The following PYY variants were observed in gnomAD, a reference collection of about 807,000 sequenced individuals.
PYY encodes peptide tyrosine tyrosine.
Under a neutral mutation model 10.3 loss-of-function variants are expected in PYY, and 12 were observed. That is an observed-to-expected ratio of 1.17 (90% confidence interval 0.75 to 1.89). The LOEUF (loss-of-function observed/expected upper bound fraction) is 1.89. PYY is among the 40% of genes most tolerant of loss of function. PYY has a pLI of 0.00. For synonymous variants in PYY, 66 were observed against 62.0 expected (o/e 1.06, Z -0.30); for missense variants, 141 against 134.0 (o/e 1.05, Z -0.26).
chr17:43,958,146 A>AAAAAAAAAAAAAAAAAAAC (rs2048687887), upstream of PYY: 1 of 149,712 alleles, frequency 6.7e-6, no homozygotes, highest in Admixed American at 6.6e-5. Context: ...AAAAAAAAAA[A>AAAAAAAAAAAAAAAAAAAC]AAAAAAAAAA....
At chr17:43,992,828 A>C (rs370308105) in intron 1 of PYY, among the ~76,000 whole-genome samples, 1 of 152,240 alleles carries the variant, frequency 6.6e-6, no homozygotes, top group African/African-American at 2.4e-5. Context: ...CCACAGAAGC[A>C]GATTGGAGTG....
chr17:43,952,844 C>A lies in PYY; in HGVS notation c.*112G>T, dbSNP rs2048640286. On this transcript the variant is annotated 3_prime_UTR_variant, in exon 4 of 4. Transcript: ENST00000692052. The stretch of plus-strand genomic sequence containing the variant: ...ACGCGGGCGGAGGGCCGCACCCGAA[C>A]CCTGCCCAGACGCCGCCGTCGGGAG... 5.4e-5 allele frequency: 69 copies of A among 1,279,590 alleles called. 1 individual carries two copies. In the South Asian group the frequency reaches 1.1e-3, roughly 20 times the overall value. 79.3% of individuals were successfully genotyped at this position (1,279,590 alleles called of 1,614,324 possible).
intron 1 of PYY, among the ~76,000 whole-genome samples, chr17:43,971,352 G>A (rs145902483): frequency 6.6e-5 from 10 of 152,172 alleles, no homozygotes; most frequent in African/African-American, 1.9e-4. Flanking sequence ...GGCAGATCAC[G>A]TGAGATCCTG....
intron 1 of PYY, among the ~76,000 whole-genome samples, chr17:43,999,645 G>A (rs2049012620): frequency 6.6e-6 from 1 of 151,964 alleles, no homozygotes; most frequent in Admixed American, 6.6e-5. Context: ...GCGCGTGCCT[G>A]TAATCCCAGC....
At chr17:43,959,313 A>G (rs1004776598) in intron 2 of PYY, among the ~76,000 whole-genome samples, 2 of 152,228 alleles carry the variant, frequency 1.3e-5, no homozygotes, top group Non-Finnish European at 2.9e-5. Context: ...AGTACTTTAT[A>G]TATTTCCAAT....
At position 43,989,955 on chromosome 17, in the gene PYY, C is replaced by T. The variant is rs140931309; in HGVS notation, c.-463+14436G>A. ...TCCCCCAAAGGTAAATGGACATGAA[C>T]AGACAAGTCCACTAGCAAGGAACCA... On this transcript the variant is annotated intron_variant, in intron 1 of 6. Coordinates refer to the PYY transcript ENST00000360085. Among the ~76,000 whole-genome samples the T allele has an allele frequency of 1.2e-3, 173 of 139,000 alleles. 3 individuals are homozygous for T. The highest frequency in any genetic ancestry group is 4.4e-3 in the African/African-American group (162 of 36,750). The allele number at this position is 139,000 out of a possible 152,430, so 91.2% of individuals were successfully genotyped here.
intron 2 of PYY, among the ~76,000 whole-genome samples, chr17:43,960,491 T>G: frequency 8.4e-6 from 1 of 119,326 alleles, no homozygotes; most frequent in East Asian, 2.5e-4. Flanking sequence ...TGCAATGAAC[T>G]GAGGCACTCC....
rs557969700 is a variant in PYY, at chr17:43,985,111, C to T, written c.-462-18579G>A. On this transcript the variant is annotated intron_variant, in intron 1 of 6. Transcript: ENST00000360085. ...CAAAATTAAGAAAACATATTCACAA[C>T]GTATACAACCAAAGAAGCACTAAGA... 2.3e-3 allele frequency among the ~76,000 whole-genome samples: 346 copies of T among 152,198 alleles called. 1 individual carries two copies. Among genetic ancestry groups the T allele is most frequent in the African/African-American group, 7.8e-3 (322 of 41,510 alleles).
chr17:43,983,756 A>G (rs1182993843), intron 1 of PYY, among the ~76,000 whole-genome samples: 2 of 152,118 alleles, frequency 1.3e-5, no homozygotes, highest in Non-Finnish European at 2.9e-5. Flanking sequence ...TGCCCTTGAC[A>G]TATCCGGGGC....
intron 2 of PYY, among the ~76,000 whole-genome samples, chr17:43,965,787 C>CCCAA: frequency 5.7e-5 from 1 of 17,634 alleles, no homozygotes; most frequent in Admixed American, 1.1e-3. Context: ...GAATCCATCT[C>CCCAA]ACAAAAAAAA....
chr17:43,994,450 C>T (rs2048977635), intron 1 of PYY, among the ~76,000 whole-genome samples: 1 of 152,148 alleles, frequency 6.6e-6, no homozygotes, highest in Non-Finnish European at 1.5e-5. Flanking sequence ...TCTGTTTGAG[C>T]CGCAGCCACC....
intron 1 of PYY, among the ~76,000 whole-genome samples, chr17:43,991,980 G>C (rs2048959808): frequency 6.6e-6 from 1 of 151,922 alleles, no homozygotes. Context: ...AAATTAGCTG[G>C]GCGTGGTGGC....
chr17:43,982,496 C>T (rs1246559270), intron 1 of PYY, among the ~76,000 whole-genome samples: 1 of 152,162 alleles, frequency 6.6e-6, no homozygotes, highest in East Asian at 1.9e-4. Context: ...TTGTGCAGTG[C>T]ACAAACTGAA....
intron 1 of PYY, among the ~76,000 whole-genome samples, chr17:44,000,747 T>G (rs378922): frequency 0.94 from 142,062 of 151,586 alleles, 66,624 homozygotes; most frequent in East Asian, 1. Flanking sequence ...CAGGGACAGG[T>G]CTTCGCTACG....
In PYY at chr17:43,953,299, T is replaced by C. The variant is rs267606994; in HGVS notation, c.185A>G (p.Gln62Arg). ...CCCGCTCCGCGCCTGCGCTCACCGC[T>C]GCCGGGTGACCAGGTTGAGGTAGTG... ...LRHYLNLVTR[Q>R]RYGKRDGPDT... Residue 62 changes from glutamine (Q) to arginine (R), a missense_variant, in exon 2 of 4, where the codon CAG becomes CGG. By Grantham distance (43) the Gln-to-Arg change is conservative. Transcript: ENST00000692052. 2 of 1,612,174 alleles carry C rather than the reference T, an allele frequency of 1.2e-6. No homozygotes were observed. Among genetic ancestry groups the C allele is most frequent in the East Asian group, 4.5e-5 (2 of 44,782 alleles).
upstream of PYY, among the ~76,000 whole-genome samples, chr17:43,958,513 G>A (rs533122101): frequency 1.3e-4 from 20 of 152,176 alleles, no homozygotes; most frequent in African/African-American, 4.6e-4. Context: ...CCAAGTAGCT[G>A]GAATTACAGG....
upstream of PYY, among the ~76,000 whole-genome samples, chr17:43,956,212 G>A (rs970698331): frequency 2.0e-5 from 3 of 151,972 alleles, no homozygotes; most frequent in Admixed American, 6.6e-5. Flanking sequence ...AAGTAAATGG[G>A]CCCCTAGGTG....
At chr17:43,984,686 C>T (rs1395647491) in intron 1 of PYY, among the ~76,000 whole-genome samples, 1 of 152,192 alleles carries the variant, frequency 6.6e-6, no homozygotes, top group Non-Finnish European at 1.5e-5. Context: ...CCTTTACAGG[C>T]GAATAAAGGG....
intron 1 of PYY, among the ~76,000 whole-genome samples, chr17:43,977,170 G>A (rs1234924881): frequency 6.6e-6 from 1 of 152,190 alleles, no homozygotes. Flanking sequence ...ATGGCCTTCA[G>A]CGGGGCAGGG....
Sources: gnomAD v4.1 joint callset for allele counts (sites outside exome capture counted in the v4.1 genomes callset) on GRCh38, gnomAD v4.1.1 for gene constraint, MANE v1.5 for transcripts, NCBI Gene and HGNC (gene_info 2026-07-23, HGNC 2026-07-21) for gene names.